CAPN14: variants seen among roughly 807,000 people sequenced by gnomAD.
The protein encoded by CAPN14 is calpain-14.
A neutral mutation model predicts 101.3 loss-of-function variants in CAPN14; 94 were observed. That is an observed-to-expected ratio of 0.93 (90% confidence interval 0.79 to 1.10). The LOEUF (loss-of-function observed/expected upper bound fraction) is 1.10, where lower values mean the gene tolerates loss of function less well. Among genes scored for constraint, CAPN14 ranks in the 50% least tolerant of loss-of-function variants. CAPN14 has a pLI of 0.00. For missense variants in CAPN14, 837 were observed against 828.4 expected (o/e 1.01, Z -0.13); for synonymous variants, 338 against 317.9 (o/e 1.06, Z -0.67).
intron 1 of CAPN14, among the ~76,000 whole-genome samples, chr2:31,231,022 C>G (rs143331171): frequency 0.011 from 1,690 of 152,304 alleles, 30 homozygotes; most frequent in African/African-American, 0.036. Context: ...ACCACTGTAA[C>G]TCCATAACAA....
At chr2:31,191,232 T>C (rs1038252005) in intron 12 of CAPN14, among the ~76,000 whole-genome samples, 167 bp downstream of exon 12, 2 of 152,144 alleles carry the variant, frequency 1.3e-5, no homozygotes, top group Non-Finnish European at 2.9e-5. Context: ...ACAGATGCAC[T>C]TTACTTTCAT....
intron 12 of CAPN14, among the ~76,000 whole-genome samples, chr2:31,191,153 C>G (rs2148680957): frequency 6.6e-6 from 1 of 152,254 alleles, no homozygotes; most frequent in East Asian, 1.9e-4. Flanking sequence ...TATTGGTTCT[C>G]TGCTAGGCTC....
Position 31,206,029 on chromosome 2 carries a change from T to A in CAPN14, c.-52-530A>T, listed in dbSNP as rs1370325333. Among the ~76,000 whole-genome samples the A allele has an allele frequency of 9.5e-5, 12 of 125,788 alleles. 2 individuals are homozygous for A. In the East Asian group the frequency reaches 2.4e-3, roughly 25 times the overall value. The allele number at this position is 125,788 out of a possible 152,430, so 82.5% of individuals were successfully genotyped here. ...CCTCCTACATTATCTTTATTTTTTT[T>A]ATTTATTTATTTTTTTTTTTTGAGA... is the stretch of plus-strand genomic sequence containing the variant. On this transcript the variant is annotated intron_variant, in intron 1 of 21. Transcript: ENST00000403897.
In CAPN14 at chr2:31,189,415, G is replaced by T; in HGVS notation, c.1351C>A (p.Pro451Thr). Residue 451 changes from proline to threonine, a missense_variant, in exon 13 of 22, where the codon CCT becomes ACT. Physicochemically the swap from Pro to Thr is conservative, Grantham distance 38. Transcript: ENST00000403897. ...FFQRNTPLSQ[P>T]DRFLKEKEVS... ...TCTTTCTCCTTGAGAAACCTATCAG[G>T]CTGGCTCAGAGGAGTGTTTCTCTGG... 6.4e-7 allele frequency: 1 copy of T among 1,551,680 alleles called. No individual in the cohort carries two copies. The highest frequency in any genetic ancestry group is 8.7e-7 in the Non-Finnish European group (1 of 1,146,982).
intron 2 of CAPN14, among the ~76,000 whole-genome samples, chr2:31,223,190 G>C (rs1682910712): frequency 6.6e-6 from 1 of 152,224 alleles, no homozygotes; most frequent in African/African-American, 2.4e-5. Context: ...GTGTAAACTG[G>C]AGACAGGAAT....
intron 14 of CAPN14, 68 bp downstream of exon 14, chr2:31,188,250 A>G (rs1572400220): frequency 7.1e-7 from 1 of 1,402,288 alleles, no homozygotes; most frequent in Non-Finnish European, 9.9e-7. Context: ...CTTAACTTGA[A>G]GGGAGAAACC....
intron 5 of CAPN14, 35 bp from the exon 6 acceptor site, chr2:31,200,660 A>T (rs986050185): frequency 6.7e-7 from 1 of 1,494,624 alleles, no homozygotes; most frequent in Non-Finnish European, 9.0e-7. Flanking sequence ...AGAGGAAAAA[A>T]GTATCATGAG....
chr2:31,193,143 G>T lies in CAPN14; in HGVS notation c.1102C>A (p.Gln368Lys). 1 of 1,550,250 alleles carries T rather than the reference G, an allele frequency of 6.5e-7. No individual in the cohort carries two copies. Residue 368 changes from glutamine to lysine, a missense_variant, in exon 10 of 22, where the codon CAG becomes AAG. Physicochemically the swap from Gln to Lys is moderately conservative, Grantham distance 53. Coordinates refer to ENST00000403897, the MANE Select transcript of CAPN14 (RefSeq NM_001145122.2). ...TGCACATGCTCACCCTGCAGCAACT[G>T]CCTCTGGCCACCAGCTGTGCTCCGC... ...EKRSTAGGQR[Q>K]LLQDTFWKNP...
intron 1 of CAPN14, among the ~76,000 whole-genome samples, chr2:31,206,522 A>G (rs565914996): frequency 5.8e-4 from 88 of 152,312 alleles, no homozygotes; most frequent in South Asian, 3.9e-3. Flanking sequence ...CAAAGTGTTG[A>G]GAGATTACAG....
intron 1 of CAPN14, among the ~76,000 whole-genome samples, chr2:31,209,244 T>TGGCA (rs1205250743): frequency 6.6e-6 from 1 of 151,630 alleles, no homozygotes; most frequent in Non-Finnish European, 1.5e-5. Flanking sequence ...CCCAAAGTGC[T>TGGCA]GGCATTACAG....
chr2:31,174,634 G>C lies in CAPN14; in HGVS notation c.*47C>G, dbSNP rs957845365. ...TTGGTCTCAGCCAAAGGCTGCTCTT[G>C]GGCCACATGCAGAGTCTTCAGTGAG... On this transcript the variant is annotated 3_prime_UTR_variant, in exon 22 of 22. Coordinates refer to ENST00000403897, the MANE Select transcript of CAPN14 (RefSeq NM_001145122.2). 7 of 1,548,564 alleles carry C rather than the reference G, an allele frequency of 4.5e-6. No individual in the cohort carries two copies. Among genetic ancestry groups the C allele is most frequent in the Non-Finnish European group, 5.2e-6 (6 of 1,144,654 alleles).
chr2:31,177,104 T>A lies in CAPN14; in HGVS notation c.1894A>T (p.Ile632Phe), dbSNP rs760275599. ...LSDDVCQLML[I>F]RYGGPRLQMD... Reference sequence around the variant, plus strand: ...TGGAGGCGGGGGCCGCCGTAGCGGATGAGCATCAGCTGACAGACGTCATCA... The same window carrying A: ...TGGAGGCGGGGGCCGCCGTAGCGGAAGAGCATCAGCTGACAGACGTCATCA... Residue 632 changes from isoleucine (I) to phenylalanine (F), a missense_variant, in exon 20 of 22, where the codon ATC becomes TTC. Transcript: ENST00000403897. 1.7e-4 allele frequency: 266 copies of A among 1,551,198 alleles called. No individual in the cohort carries two copies. The highest frequency in any genetic ancestry group is 2.2e-4 in the Non-Finnish European group (255 of 1,146,770).
chr2:31,228,263 T>C (rs1400250897), intron 1 of CAPN14: 1 of 152,328 alleles, frequency 6.6e-6, no homozygotes, highest in East Asian at 1.9e-4. Flanking sequence ...TTCCATCTTC[T>C]CCCTTTACTT....
At chr2:31,199,337 G>T in intron 7 of CAPN14, 133 bp downstream of exon 7, 1 of 768,508 alleles carries the variant, frequency 1.3e-6, no homozygotes, top group Non-Finnish European at 2.2e-6. Flanking sequence ...AATAGATGCC[G>T]AGGCACAGGG....
chr2:31,189,411 T>A lies in CAPN14; in HGVS notation c.1355A>T (p.Asp452Val). Reference protein sequence around the residue: ...FQRNTPLSQPDRFLKEKEVSQ... With the variant: ...FQRNTPLSQPVRFLKEKEVSQ... The stretch of plus-strand genomic sequence containing the variant: ...CACTTCTTTCTCCTTGAGAAACCTA[T>A]CAGGCTGGCTCAGAGGAGTGTTTCT... Residue 452 changes from aspartate to valine, a missense_variant, in exon 13 of 22, where the codon GAT (aspartate) becomes GTT (valine). Asp to Val is a radical substitution (Grantham distance 152). Coordinates refer to ENST00000403897, the MANE Select transcript of CAPN14 (RefSeq NM_001145122.2). 6.4e-7 allele frequency: 1 copy of A among 1,551,692 alleles called. No individual in the cohort carries two copies. Among genetic ancestry groups the A allele is most frequent in the South Asian group, 1.2e-5 (1 of 84,058 alleles).
At chr2:31,178,455 A>G in intron 18 of CAPN14, 56 bp downstream of exon 18, 2 of 1,337,794 alleles carry the variant, frequency 1.5e-6, no homozygotes, top group South Asian at 2.5e-5. Context: ...ACAGCTTTGC[A>G]GAACTGCCAT....
Position 31,206,211 on chromosome 2 carries a change from C to T in CAPN14, c.-52-712G>A, listed in dbSNP as rs1017721291. ...GGGTGCTGGGGGCCAGCAGCTCCCA[C>T]GTGGAGGCCTCCCAAGGATGTCTCT... is the stretch of plus-strand genomic sequence containing the variant. On this transcript the variant is annotated intron_variant, in intron 1 of 21. Coordinates refer to ENST00000403897, the MANE Select transcript of CAPN14 (RefSeq NM_001145122.2). Among the ~76,000 whole-genome samples the T allele has an allele frequency of 1.2e-4, 18 of 151,922 alleles. No homozygotes were observed. In the East Asian group the frequency reaches 2.0e-3, roughly 16 times the overall value.
chr2:31,215,579 T>G (rs1558636107), intron 1 of CAPN14, among the ~76,000 whole-genome samples: 1 of 152,032 alleles, frequency 6.6e-6, no homozygotes. Flanking sequence ...CCTTCAAAGC[T>G]CAGGGCAAAT....
At chr2:31,210,458 AAC>A (rs373027828) in intron 1 of CAPN14, among the ~76,000 whole-genome samples, 1 of 78,798 alleles carries the variant, frequency 1.3e-5, no homozygotes, top group Non-Finnish European at 2.5e-5. Flanking sequence ...AAAAAAATAA[AAC>A]ATAAAATAAA....
Sources: gnomAD v4.1 joint callset for allele counts (sites outside exome capture counted in the v4.1 genomes callset) on GRCh38, gnomAD v4.1.1 for gene constraint, MANE v1.5 for transcripts, NCBI Gene and HGNC (gene_info 2026-07-23, HGNC 2026-07-21) for gene names.